Variants in KDM2A observed in about 807,000 individuals in gnomAD.
The protein encoded by KDM2A is lysine-specific demethylase 2A.
In KDM2A, 3 loss-of-function variants were observed where a neutral mutation model predicts 137.3. The observed-to-expected ratio is 0.02, with a 90% CI of 0.01 to 0.06. The LOEUF is 0.06. Ranked by LOEUF, KDM2A falls within the 10% of genes least tolerant of loss-of-function variation. The pLI, the probability that KDM2A is intolerant of heterozygous loss-of-function variation, is 1.00. For synonymous variants in KDM2A, 512 were observed against 541.5 expected (o/e 0.95, Z 0.76); for missense variants, 738 against 1,510.6 (o/e 0.49, Z 8.48).
At chr11:67,169,759 C>CTTTT (rs778350678) in intron 2 of KDM2A, among the ~76,000 whole-genome samples, 1 of 65,696 alleles carries the variant, frequency 1.5e-5, no homozygotes, top group African/African-American at 8.2e-5. Flanking sequence ...CTCTCTCTCT[C>CTTTT]TTTTTTTTTT....
intron 2 of KDM2A, among the ~76,000 whole-genome samples, chr11:67,164,566 C>G (rs1856700127): frequency 6.6e-6 from 1 of 151,734 alleles, no homozygotes; most frequent in Admixed American, 6.6e-5. Context: ...GATCCTCTAC[C>G]ATGGCCTCCT....
chr11:67,243,903 G>T (rs576026570), intron 13 of KDM2A: 1 of 152,268 alleles, frequency 6.6e-6, no homozygotes, highest in African/African-American at 2.4e-5. Context: ...TTTAGATCCT[G>T]TATAATTTTT....
intron 8 of KDM2A, among the ~76,000 whole-genome samples, chr11:67,216,456 T>C (rs770351120): frequency 1.3e-5 from 2 of 152,256 alleles, no homozygotes; most frequent in African/African-American, 4.8e-5. Flanking sequence ...TTCAGTTATA[T>C]TCCAGCTTGT....
At chr11:67,230,863 CTTTGTT>C (rs1858690875) in intron 11 of KDM2A, among the ~76,000 whole-genome samples, 1 of 151,832 alleles carries the variant, frequency 6.6e-6, no homozygotes, top group South Asian at 2.1e-4. Flanking sequence ...AAAATAGTCA[CTTTGTT>C]TTGTTACTTA....
intron 5 of KDM2A, among the ~76,000 whole-genome samples, chr11:67,199,711 T>C (rs1857571519): frequency 6.6e-6 from 1 of 152,196 alleles, no homozygotes; most frequent in South Asian, 2.1e-4. Context: ...AAGTGCAAGG[T>C]AAAGCAGCAG....
chr11:67,221,313 CAGTT>C (rs1467218578), intron 10 of KDM2A, among the ~76,000 whole-genome samples: 1 of 152,152 alleles, frequency 6.6e-6, no homozygotes, highest in African/African-American at 2.4e-5. Context: ...GAAATGTTAA[CAGTT>C]GGAGAATTGC....
intron 6 of KDM2A, 132 bp downstream of exon 6, chr11:67,207,820 T>G: frequency 3.3e-6 from 2 of 610,616 alleles, no homozygotes; most frequent in Non-Finnish European, 5.3e-6. Flanking sequence ...AGCTGAGGAG[T>G]TTGAGAGCAG....
chr11:67,248,161 G>C (rs1230504626), intron 15 of KDM2A, 120 bp from the exon 16 acceptor site: 1 of 734,946 alleles, frequency 1.4e-6, no homozygotes, highest in Non-Finnish European at 2.3e-6. Flanking sequence ...ATTGCTCACA[G>C]TTTTTCTCCC....
chr11:67,214,779 G>A (rs1436159350), intron 6 of KDM2A, among the ~76,000 whole-genome samples: 1 of 152,182 alleles, frequency 6.6e-6, no homozygotes, highest in Non-Finnish European at 1.5e-5. Flanking sequence ...GTCTATCTTA[G>A]TTTTATAGAT....
At chr11:67,196,657 T>G in intron 5 of KDM2A, 1 of 355,944 alleles carries the variant, frequency 2.8e-6, no homozygotes, top group Non-Finnish European at 5.5e-6. Flanking sequence ...TCCACTGACA[T>G]GAAGTATATA....
intron 2 of KDM2A, among the ~76,000 whole-genome samples, chr11:67,122,670 T>C (rs1855625159): frequency 6.7e-6 from 1 of 149,532 alleles, no homozygotes; most frequent in Non-Finnish European, 1.5e-5. Context: ...TTTATTTATT[T>C]ATTTATTTAT....
At chr11:67,125,412 C>A (rs1855697298) in intron 2 of KDM2A, among the ~76,000 whole-genome samples, 2 of 151,746 alleles carry the variant, frequency 1.3e-5, no homozygotes, top group South Asian at 4.2e-4. Flanking sequence ...AACTCCTGGG[C>A]TCAAACGATC....
At chr11:67,227,436 C>CT (rs1305566563) in intron 10 of KDM2A, among the ~76,000 whole-genome samples, 3 of 151,832 alleles carry the variant, frequency 2.0e-5, no homozygotes, top group African/African-American at 4.8e-5. Context: ...CTTTGCATGC[C>CT]TTTTTTTCAA....
intron 5 of KDM2A, among the ~76,000 whole-genome samples, chr11:67,201,757 A>G (rs1475193702): frequency 1.6e-5 from 2 of 127,872 alleles, no homozygotes; most frequent in South Asian, 2.9e-4. Context: ...TAGGCAACAG[A>G]GCTAGACTCC....
rs369064848 is a variant in KDM2A, at chr11:67,245,964, T to C, written c.1834-21T>C. ...AAGATCTGAGTCAGTTCTCTTGGAT[T>C]CTATCTTTGTCCTCTTGTAGCCCAG... On this transcript the variant is annotated intron_variant, in intron 14 of 20. Coordinates refer to ENST00000529006, the MANE Select transcript of KDM2A (RefSeq NM_012308.3). The surrounding 1 kb of genome is among the most constrained non-coding windows in gnomAD (Gnocchi z 4.1). 4.2e-5 allele frequency: 68 copies of C among 1,613,064 alleles called. No individual in the cohort carries two copies. Among genetic ancestry groups the C allele is most frequent in the Non-Finnish European group, 5.7e-5 (67 of 1,179,360 alleles).
At chr11:67,134,469 G>C (rs1280974660) in intron 2 of KDM2A, among the ~76,000 whole-genome samples, 1 of 151,996 alleles carries the variant, frequency 6.6e-6, no homozygotes. Context: ...CTGATTATCT[G>C]CTATTCATTT....
chr11:67,230,175 CAAA>C (rs34895479), intron 11 of KDM2A, among the ~76,000 whole-genome samples: 1 of 116,446 alleles, frequency 8.6e-6, no homozygotes, highest in Non-Finnish European at 1.8e-5. Context: ...GACTCCGTCT[CAAA>C]AAAAAAAAAA....
intron 5 of KDM2A, among the ~76,000 whole-genome samples, chr11:67,190,148 A>C (rs367962812): frequency 4.6e-5 from 7 of 152,122 alleles, no homozygotes; most frequent in Admixed American, 1.3e-4. Context: ...GGTGGCTGAC[A>C]CCTATAATCC....
At chr11:67,138,153 G>A (rs777357670) in intron 2 of KDM2A, among the ~76,000 whole-genome samples, 11 of 152,056 alleles carry the variant, frequency 7.2e-5, no homozygotes, top group Non-Finnish European at 1.6e-4. Context: ...GTGAAATGCC[G>A]TTAAGTGGCA....
Sources: allele counts gnomAD v4.1 joint callset (sites outside exome capture counted in the v4.1 genomes callset), GRCh38; gene constraint gnomAD v4.1.1; non-coding constraint Gnocchi (gnomAD v3.1); transcripts MANE v1.5; gene names NCBI Gene and HGNC (gene_info 2026-07-23, HGNC 2026-07-21).